Variants in KLF12 observed in about 807,000 individuals in gnomAD.
KLF12 encodes the protein Krueppel-like factor 12.
In KLF12, 9 loss-of-function variants were observed where a neutral mutation model predicts 37.8. That is an observed-to-expected ratio of 0.24 (90% CI 0.14 to 0.42). The LOEUF is 0.42. Ranked by LOEUF, KLF12 falls within the 10% of genes least tolerant of loss-of-function variation. The pLI is 1.00. For missense variants in KLF12, 411 were observed against 516.0 expected, an observed-to-expected ratio of 0.80 and a Z score of 1.97; for synonymous variants, 208 against 202.1, an observed-to-expected ratio of 1.03 and a Z score of -0.25.
intron 4 of KLF12, among the ~76,000 whole-genome samples, chr13:73,814,355 T>C (rs1415028798): frequency 6.6e-6 from 1 of 152,220 alleles, no homozygotes; most frequent in African/African-American, 2.4e-5. Flanking sequence ...TTTTGGTTAC[T>C]GTGTATCATA....
the KLF12 span, among the ~76,000 whole-genome samples, chr13:74,194,961 C>T: frequency 6.6e-6 from 1 of 152,192 alleles, no homozygotes; most frequent in Non-Finnish European, 1.5e-5. Context: ...TCAGGACTCA[C>T]TTCCTTTGAA....
chr13:74,198,451 G>A, the KLF12 span, among the ~76,000 whole-genome samples: 4 of 152,098 alleles, frequency 2.6e-5, no homozygotes, highest in Admixed American at 6.6e-5. Context: ...TGCTCTAAGC[G>A]TGGTCCTGAG....
intron 2 of KLF12, among the ~76,000 whole-genome samples, chr13:73,946,383 A>G (rs891649023): frequency 1.3e-5 from 2 of 152,226 alleles, no homozygotes; most frequent in African/African-American, 4.8e-5. Context: ...TGATAAACTC[A>G]TTAGTTTAAA....
At chr13:73,868,623 C>A (rs1450376884) in intron 3 of KLF12, among the ~76,000 whole-genome samples, 1 of 152,044 alleles carries the variant, frequency 6.6e-6, no homozygotes, top group Non-Finnish European at 1.5e-5. Flanking sequence ...GAACTCCTGA[C>A]CTCATGATTT....
At chr13:73,713,809 A>G (rs1469499866) in intron 7 of KLF12, among the ~76,000 whole-genome samples, 1 of 152,224 alleles carries the variant, frequency 6.6e-6, no homozygotes, top group Non-Finnish European at 1.5e-5. Context: ...GGGTAAGAGG[A>G]GTGGAGGTGT....
intron 5 of KLF12, among the ~76,000 whole-genome samples, chr13:73,778,446 A>T (rs1270345870): frequency 6.6e-6 from 1 of 151,968 alleles, no homozygotes; most frequent in African/African-American, 2.4e-5. Context: ...TGCAGCCTTG[A>T]CCTCTTAGGC....
intron 5 of KLF12, among the ~76,000 whole-genome samples, chr13:73,770,803 G>A (rs923928632): frequency 5.9e-5 from 9 of 152,034 alleles, no homozygotes; most frequent in Non-Finnish European, 1.3e-4. Flanking sequence ...GATTACAGGC[G>A]TGAACCACCA....
chr13:74,273,723 A>G, the KLF12 span, among the ~76,000 whole-genome samples: 2 of 152,124 alleles, frequency 1.3e-5, no homozygotes, highest in African/African-American at 2.4e-5. Context: ...TAGAGAGTTG[A>G]TAAATTGGTT....
chr13:73,739,269 AATAAT>A (rs1162710071), intron 6 of KLF12, among the ~76,000 whole-genome samples: 4 of 113,770 alleles, frequency 3.5e-5, no homozygotes, highest in South Asian at 2.8e-4. Context: ...TAATAATAAT[AATAAT>A]AAATGTACTT....
At chr13:74,275,715 A>G in the KLF12 span, among the ~76,000 whole-genome samples, 857 of 147,572 alleles carry the variant, frequency 5.8e-3, 12 homozygotes, top group East Asian at 0.03. Flanking sequence ...TTTTTTTTCT[A>G]GACACAGGGT....
At chr13:73,700,301 A>G (rs1033956648) in intron 7 of KLF12, among the ~76,000 whole-genome samples, 12 of 151,430 alleles carry the variant, frequency 7.9e-5, no homozygotes, top group Non-Finnish European at 4.4e-5. Context: ...AATTAATTAA[A>G]AAGAAAAAAT....
intron 1 of KLF12, among the ~76,000 whole-genome samples, chr13:74,086,568 A>G (rs969047846): frequency 6.6e-6 from 1 of 152,088 alleles, no homozygotes; most frequent in African/African-American, 2.4e-5. Flanking sequence ...CATGGGTAGG[A>G]GTTGATGATC....
chr13:74,000,845 A>C (rs1892261955), intron 1 of KLF12, among the ~76,000 whole-genome samples: 1 of 152,212 alleles, frequency 6.6e-6, no homozygotes, highest in Non-Finnish European at 1.5e-5. Context: ...TGAATTAAGC[A>C]TTTCTTTTAC....
In KLF12 at chr13:73,693,565, G is replaced by C. The variant is rs114179073; in HGVS notation, c.*1925C>G. On this transcript the variant is annotated 3_prime_UTR_variant, in exon 8 of 8. Transcript: ENST00000377669. The stretch of plus-strand genomic sequence containing the variant: ...CAACACAAATTGTCCTTGTTTCAAC[G>C]TTCATAGTTCTCGCTTCATCAGAAT... 1 of 152,330 alleles carries C rather than the reference G, an allele frequency of 6.6e-6. No homozygotes were observed. The allele number at this position is 152,330 out of a possible 1,614,324, so 9.4% of individuals were successfully genotyped here.
At chr13:74,241,471 C>T in the KLF12 span, among the ~76,000 whole-genome samples, 1 of 152,224 alleles carries the variant, frequency 6.6e-6, no homozygotes, top group South Asian at 2.1e-4. Flanking sequence ...GTGGGCTCCA[C>T]CCAGTTCGAG....
chr13:74,303,594 TA>T, the KLF12 span, among the ~76,000 whole-genome samples: 1 of 152,066 alleles, frequency 6.6e-6, no homozygotes, highest in Non-Finnish European at 1.5e-5. Context: ...GAAAGTGAAA[TA>T]TTTAAAAAGA....
In KLF12 at chr13:73,699,845, G is replaced by A. The variant is rs1239436740; in HGVS notation, c.1028-4174C>T. Among the ~76,000 whole-genome samples the A allele has an allele frequency of 2.6e-5, 4 of 152,262 alleles. No individual in the cohort carries two copies. In the East Asian group the frequency reaches 7.7e-4, roughly 29 times the overall value. ...TCTGAGCCCATAAATGTAGAGTGGGGAAACAGTGCAAGTGAAGTGTGATCA... is the reference window on the plus strand; with the variant it reads ...TCTGAGCCCATAAATGTAGAGTGGGAAAACAGTGCAAGTGAAGTGTGATCA... On this transcript the variant is annotated intron_variant, in intron 7 of 7. Transcript: ENST00000377669.
At chr13:74,301,919 G>A in the KLF12 span, among the ~76,000 whole-genome samples, 12 of 152,112 alleles carry the variant, frequency 7.9e-5, no homozygotes, top group African/African-American at 2.9e-4. Flanking sequence ...CAACTGCAGA[G>A]GCATAGCTCC....
chr13:73,810,902 G>A (rs1183400841), intron 5 of KLF12, among the ~76,000 whole-genome samples: 5 of 144,436 alleles, frequency 3.5e-5, no homozygotes, highest in African/African-American at 1.3e-4. Context: ...GCTGGCTCAA[G>A]TTAACATTTG....
Sources: gnomAD v4.1 joint callset for allele counts (sites outside exome capture counted in the v4.1 genomes callset) on GRCh38, gnomAD v4.1.1 for gene constraint, MANE v1.5 for transcripts, NCBI Gene and HGNC (gene_info 2026-07-23, HGNC 2026-07-21) for gene names.